The following ABCC8 variants were observed in gnomAD, a reference collection of about 807,000 sequenced individuals.
ABCC8 encodes the protein ATP-binding cassette sub-family C member 8.
Under a neutral mutation model 188.0 loss-of-function variants are expected in ABCC8, and 137 were observed. The observed-to-expected ratio is 0.73, with a 90% confidence interval of 0.63 to 0.84. The LOEUF is 0.84. Ranked by LOEUF, ABCC8 falls within the 40% of genes least tolerant of loss-of-function variation. The pLI, the probability that ABCC8 is intolerant of heterozygous loss-of-function variation, is 0.00. For synonymous variants in ABCC8, 797 were observed against 846.5 expected (o/e 0.94, Z 1.01); for missense variants, 1,750 against 2,072.7 (o/e 0.84, Z 3.02).
chr11:17,472,279 C>T (rs1030061155), intron 2 of ABCC8, among the ~76,000 whole-genome samples: 1 of 152,136 alleles, frequency 6.6e-6, no homozygotes. Context: ...GTTTTATATA[C>T]AGGCTTTATC....
chr11:17,405,392 C>T (rs1954465544), intron 27 of ABCC8, 102 bp downstream of exon 27: 3 of 1,551,356 alleles, frequency 1.9e-6, no homozygotes, highest in Non-Finnish European at 2.7e-6. Flanking sequence ...TCCCAGAGGG[C>T]TGTGATCACC....
intron 28 of ABCC8, among the ~76,000 whole-genome samples, chr11:17,403,379 A>T (rs78424215): frequency 0.025 from 3,788 of 152,332 alleles, 77 homozygotes; most frequent in Non-Finnish European, 0.039. Context: ...CTCCAGGGTC[A>T]GACTGGGTGC....
chr11:17,454,409 G>A (rs1564965828), intron 6 of ABCC8, among the ~76,000 whole-genome samples: 1 of 152,142 alleles, frequency 6.6e-6, no homozygotes. Context: ...GTATCTGTTG[G>A]TGGCAGCAGG....
chr11:17,444,047 CT>C (rs1426840551), intron 8 of ABCC8, among the ~76,000 whole-genome samples: 1 of 151,706 alleles, frequency 6.6e-6, no homozygotes, highest in East Asian at 1.9e-4. Flanking sequence ...GAAAGGACTG[CT>C]TGCCTTGGTC....
At chr11:17,455,937 CA>C (rs796687753) in intron 6 of ABCC8, among the ~76,000 whole-genome samples, 4,851 of 62,508 alleles carry the variant, frequency 0.078, 228 homozygotes, top group African/African-American at 0.19. Flanking sequence ...AGGCTCCATC[CA>C]AAAAAAAAAA....
intron 38 of ABCC8, 26 bp from the exon 39 acceptor site, chr11:17,393,154 C>T (rs778320348): frequency 4.3e-6 from 7 of 1,612,658 alleles, no homozygotes; most frequent in Admixed American, 1.7e-5. Context: ...GGGGGCGGGT[C>T]AGGATGGTGG....
At chr11:17,442,676 T>G in intron 10 of ABCC8, 44 bp downstream of exon 10, 1 of 1,595,132 alleles carries the variant, frequency 6.3e-7, no homozygotes. Flanking sequence ...TCTCCTTGCA[T>G]GTACGCAGCA....
At chr11:17,449,199 T>A (rs1350753622) in intron 7 of ABCC8, among the ~76,000 whole-genome samples, 1 of 152,214 alleles carries the variant, frequency 6.6e-6, no homozygotes, top group Non-Finnish European at 1.5e-5. Flanking sequence ...ATGCTGAGAT[T>A]ACAGGCATGA....
At position 17,428,334 on chromosome 11, in the gene ABCC8, G is replaced by A; in HGVS notation, c.1995C>T (p.Ser665=). 1 of 1,614,202 alleles carries A rather than the reference G, an allele frequency of 6.2e-7. No individual in the cohort carries two copies. Among genetic ancestry groups the A allele is most frequent in the Non-Finnish European group, 8.5e-7 (1 of 1,180,040 alleles). ...DCRGLTGPLQ[S]LVPSADGDAD... is the part of the protein sequence containing the mutation. ...CATCGCCATCTGCACTGGGGACCAG[G>A]CTCTGCAGTGGGCCGGTGAGGCCCC... is the stretch of plus-strand genomic sequence containing the variant. The change falls in exon 14 of 39, where the codon AGC becomes AGT. Residue 665 remains serine (S), a synonymous_variant. Transcript: ENST00000389817.
intron 21 of ABCC8, 150 bp from the exon 22 acceptor site, chr11:17,410,803 C>A (rs1353376574): frequency 5.2e-5 from 67 of 1,284,216 alleles, no homozygotes; most frequent in Non-Finnish European, 6.8e-5. Context: ...CTCACCCAAC[C>A]TCTCTGGGCC....
rs1189491998 is a variant in ABCC8, at chr11:17,450,318, CTTTCTT to C, written c.1177-1653_1177-1648del. 7.3e-3 allele frequency among the ~76,000 whole-genome samples: 830 copies of C among 113,850 alleles called. 16 individuals carry two copies. The highest frequency in any genetic ancestry group is 0.028 in the African/African-American group (750 of 27,022). The allele number at this position is 113,850 out of a possible 152,430, so 74.7% of individuals were successfully genotyped here. A position where few individuals can be genotyped will look rare whatever the true frequency, so the allele number is the denominator to read the frequency against. On this transcript the variant is annotated intron_variant, in intron 7 of 38. Transcript: ENST00000389817. ...TCTTTCTTTCTTTCTTTCTTTCTTTCTTTCTTTCTCTCTCTCTCTTTCCTTTCTTTC... is the reference window on the plus strand; with the variant it reads ...TCTTTCTTTCTTTCTTTCTTTCTTTCTCTCTCTCTCTCTTTCCTTTCTTTC...
chr11:17,395,827 G>T (rs897607713), intron 34 of ABCC8, 25 bp downstream of exon 34: 1 of 1,562,404 alleles, frequency 6.4e-7, no homozygotes, highest in African/African-American at 1.3e-5. Context: ...GTGGGTACAC[G>T]TGGGGTGCCC....
intron 12 of ABCC8, chr11:17,430,586 A>G: frequency 3.4e-6 from 2 of 589,948 alleles, no homozygotes; most frequent in Non-Finnish European, 6.1e-6. Context: ...AGTGACAGTG[A>G]GTCCCCTCTC....
intron 32 of ABCC8, 30 bp from the exon 33 acceptor site, chr11:17,397,076 G>A (rs1370290842): frequency 1.2e-6 from 2 of 1,614,070 alleles, no homozygotes; most frequent in East Asian, 2.2e-5. Context: ...CAGCCACCAG[G>A]CATGGGCCAC....
intron 12 of ABCC8, chr11:17,428,897 G>A: frequency 1.4e-6 from 1 of 699,868 alleles, no homozygotes; most frequent in Non-Finnish European, 2.3e-6. Context: ...CTGGATTGGA[G>A]GTGAGATTGG....
At chr11:17,413,007 C>T (rs1189405867) in intron 20 of ABCC8, 3 of 704,956 alleles carry the variant, frequency 4.3e-6, no homozygotes, top group East Asian at 5.7e-5. Context: ...ACAGAGGCAG[C>T]AGGGATTAAA....
chr11:17,462,112 T>C (rs182028239), intron 4 of ABCC8, among the ~76,000 whole-genome samples: 155 of 152,332 alleles, frequency 1.0e-3, no homozygotes, highest in African/African-American at 3.6e-3. Flanking sequence ...ATCTCTCATA[T>C]GCTATCTTCT....
chr11:17,415,523 C>T (rs1955029161), intron 17 of ABCC8, 184 bp from the exon 18 acceptor site: 1 of 891,040 alleles, frequency 1.1e-6, no homozygotes. Flanking sequence ...GGGGAAGCCT[C>T]TGCTGCCTGA....
chr11:17,456,371 G>A (rs781663125), intron 6 of ABCC8, among the ~76,000 whole-genome samples: 2 of 152,190 alleles, frequency 1.3e-5, no homozygotes, highest in Non-Finnish European at 2.9e-5. Context: ...TGAGTTAGCT[G>A]CAGAGGTAGG....
Sources: gnomAD v4.1 joint callset for allele counts (sites outside exome capture counted in the v4.1 genomes callset) on GRCh38, gnomAD v4.1.1 for gene constraint, MANE v1.5 for transcripts, NCBI Gene and HGNC (gene_info 2026-07-23, HGNC 2026-07-21) for gene names.